ZNRF1: variants seen among roughly 807,000 people sequenced by gnomAD.
The protein encoded by ZNRF1 is zinc and ring finger 1, also known as E3 ubiquitin-protein ligase ZNRF1.
ZNRF1 carries 3 observed loss-of-function variants against 18.4 expected under a neutral mutation model. The ratio of observed to expected loss-of-function variants is 0.16; its 90% CI spans 0.07 to 0.42. The LOEUF (loss-of-function observed/expected upper bound fraction) is 0.42. Ranked by LOEUF, ZNRF1 falls within the 10% of genes least tolerant of loss-of-function variation. The pLI is 0.99. For missense variants in ZNRF1, 310 were observed against 329.8 expected (o/e 0.94, Z 0.47); for synonymous variants, 157 against 144.2 (o/e 1.09, Z -0.64).
chr16:75,008,465 C>T (rs959875946), intron 1 of ZNRF1, among the ~76,000 whole-genome samples: 1 of 152,124 alleles, frequency 6.6e-6, no homozygotes, highest in African/African-American at 2.4e-5. Flanking sequence ...CTGAGTTACC[C>T]TCTTTCCTAC....
In ZNRF1 at chr16:75,031,435, A is replaced by G. The variant is rs185013167; in HGVS notation, c.424+31340A>G. 3.9e-4 allele frequency among the ~76,000 whole-genome samples: 60 copies of G among 151,982 alleles called. No homozygotes were observed. The East Asian group carries it at 8.3e-3, about 21-fold the overall frequency. ...GAGCCACCGTGCCCGGCCATGTCCA[A>G]ATTTTTGTGTAGACATTTTCTTGTT... On this transcript the variant is annotated intron_variant, in intron 1 of 4. Coordinates refer to ENST00000335325, the MANE Select transcript of ZNRF1 (RefSeq NM_032268.5).
intron 1 of ZNRF1, among the ~76,000 whole-genome samples, chr16:75,055,209 T>C (rs2035653075): frequency 6.6e-6 from 1 of 152,236 alleles, no homozygotes; most frequent in African/African-American, 2.4e-5. Context: ...TTTTAATGCT[T>C]TCTAAAGGAA....
rs1162587253 is a variant in ZNRF1, at chr16:75,059,716, C to T, written c.425-33856C>T. On this transcript the variant is annotated intron_variant, in intron 1 of 4. Coordinates refer to ENST00000335325, the MANE Select transcript of ZNRF1 (RefSeq NM_032268.5). ...AGAGAAGTGTTTGGAGCCAAAAGTT[C>T]GAAGTTTTTACTCTACCTGTAATGT... is the stretch of plus-strand genomic sequence containing the variant. Among the ~76,000 whole-genome samples the T allele has an allele frequency of 5.3e-5, 8 of 152,028 alleles. No individual in the cohort carries two copies. The South Asian group carries it at 1.0e-3, about 20-fold the overall frequency.
In ZNRF1 at chr16:75,107,798, A is replaced by G. The variant is rs1224676185; in HGVS notation, c.*98A>G. Reference sequence around the variant, plus strand: ...CCTGGGGCAGAGCTGAGCTTGGGACACCAGCGGGAACAGGGCACCCCTTCT... The same window carrying G: ...CCTGGGGCAGAGCTGAGCTTGGGACGCCAGCGGGAACAGGGCACCCCTTCT... On this transcript the variant is annotated 3_prime_UTR_variant, in exon 5 of 5. Transcript: ENST00000335325. The G allele has an allele frequency of 4.4e-6, 2 of 456,494 alleles. No individual in the cohort carries two copies. The highest frequency in any genetic ancestry group is 1.4e-4 in the East Asian group (2 of 14,386). The allele number at this position is 456,494 out of a possible 1,614,324, so 28.3% of individuals were successfully genotyped here.
chr16:75,094,260 G>C (rs2036173972), intron 2 of ZNRF1, among the ~76,000 whole-genome samples: 1 of 152,206 alleles, frequency 6.6e-6, no homozygotes, highest in African/African-American at 2.4e-5. Context: ...ACACCTTGCT[G>C]CTCCACCCTG....
At chr16:75,047,813 C>T (rs915016935) in intron 1 of ZNRF1, among the ~76,000 whole-genome samples, 28 of 152,138 alleles carry the variant, frequency 1.8e-4, no homozygotes, top group East Asian at 3.8e-4. Flanking sequence ...TCTCACAGTT[C>T]TAGAGGCATG....
intron 1 of ZNRF1, among the ~76,000 whole-genome samples, chr16:75,058,570 A>G (rs2035698115): frequency 6.6e-6 from 1 of 152,222 alleles, no homozygotes. Context: ...AATGACTGCC[A>G]TAGTGGGGAT....
chr16:75,047,711 C>T (rs959845611), intron 1 of ZNRF1, among the ~76,000 whole-genome samples: 9 of 152,150 alleles, frequency 5.9e-5, no homozygotes, highest in African/African-American at 1.9e-4. Context: ...GCTGTTTCCT[C>T]CTTTTAAGCC....
chr16:75,026,519 T>C (rs1353772421), intron 1 of ZNRF1, among the ~76,000 whole-genome samples: 2 of 152,228 alleles, frequency 1.3e-5, no homozygotes, highest in African/African-American at 2.4e-5. Flanking sequence ...ATTTGAGCCT[T>C]AGCCAGGCTT....
intron 1 of ZNRF1, among the ~76,000 whole-genome samples, chr16:75,089,974 G>C (rs1387763374): frequency 6.6e-6 from 1 of 152,180 alleles, no homozygotes; most frequent in Non-Finnish European, 1.5e-5. Context: ...CTTAGTCACA[G>C]GTCACTTTAA....
At chr16:75,059,229 C>CTTTTTTTTTTTTTTCTTTTTTTTTTT (rs2035709085) in intron 1 of ZNRF1, among the ~76,000 whole-genome samples, 5 of 92,880 alleles carry the variant, frequency 5.4e-5, no homozygotes, top group African/African-American at 7.5e-5. Context: ...TTCTTTCTTT[C>CTTTTTTTTTTTTTTCTTTTTTTTTTT]TTTTTTTTTT....
chr16:75,065,748 T>C (rs958016757), intron 1 of ZNRF1, among the ~76,000 whole-genome samples: 2 of 152,056 alleles, frequency 1.3e-5, no homozygotes, highest in African/African-American at 4.8e-5. Context: ...TATAACTTGC[T>C]TTTTTTTCCC....
At chr16:75,071,251 C>A (rs2035866665) in intron 1 of ZNRF1, among the ~76,000 whole-genome samples, 1 of 152,172 alleles carries the variant, frequency 6.6e-6, no homozygotes, top group Non-Finnish European at 1.5e-5. Context: ...AGCCACCCAC[C>A]ACCACACCTG....
At chr16:75,106,144 C>T (rs2036313527) in intron 3 of ZNRF1, 2 of 269,912 alleles carry the variant, frequency 7.4e-6, no homozygotes, top group South Asian at 5.0e-5. Context: ...CCTGAGGGGT[C>T]CACCGCTCTC....
At position 75,042,772 on chromosome 16, in the gene ZNRF1, A is replaced by G. The variant is rs527805620; in HGVS notation, c.424+42677A>G. On this transcript the variant is annotated intron_variant, in intron 1 of 4. Transcript: ENST00000335325. ...GGATCAGCCTGTTGATTTCTGCAGA[A>G]TGGTTTTTGAATCCTGATATTTTTT... is the stretch of plus-strand genomic sequence containing the variant. 9.9e-5 allele frequency among the ~76,000 whole-genome samples: 15 copies of G among 152,102 alleles called. No individual in the cohort carries two copies. The East Asian group carries it at 2.9e-3, about 29-fold the overall frequency.
At position 75,098,887 on chromosome 16, in the gene ZNRF1, G is replaced by C. The variant is rs527975860; in HGVS notation, c.520+5220G>C. ...GCCTCCCCACCCCTCCATACTTCTA[G>C]CAGTTCCAGGGTCTCTTGAGGATGT... is the stretch of plus-strand genomic sequence containing the variant. On this transcript the variant is annotated intron_variant, in intron 2 of 4. Transcript: ENST00000335325. Among the ~76,000 whole-genome samples, 5 of 152,178 alleles carry C rather than the reference G, an allele frequency of 3.3e-5. No individual in the cohort carries two copies. In the East Asian group the frequency reaches 9.7e-4, roughly 29 times the overall value.
rs536113032 is a variant in ZNRF1, at chr16:75,081,198, C to T, written c.425-12374C>T. Among the ~76,000 whole-genome samples, 233 of 152,144 alleles carry T rather than the reference C, an allele frequency of 1.5e-3. 3 individuals carry two copies. The highest frequency in any genetic ancestry group is 6.2e-4 in the Non-Finnish European group (42 of 67,976). On this transcript the variant is annotated intron_variant, in intron 1 of 4. Transcript: ENST00000335325. ...AAATAAATAAATAAAAATAAGGACT[C>T]CAGGACTTGGAAAACAGTCTATATC...
chr16:75,054,564 C>T (rs74340633), intron 1 of ZNRF1, among the ~76,000 whole-genome samples: 3,571 of 152,332 alleles, frequency 0.023, 161 homozygotes, highest in African/African-American at 0.082. Context: ...CTTCTCAGTC[C>T]TCATGCTGGT....
intron 1 of ZNRF1, among the ~76,000 whole-genome samples, chr16:75,092,502 A>G (rs1053940978): frequency 1.3e-5 from 2 of 152,252 alleles, no homozygotes; most frequent in African/African-American, 4.8e-5. Context: ...GATCTTTTTG[A>G]TAGAATGTAT....
Sources: gnomAD v4.1 joint callset for allele counts (sites outside exome capture counted in the v4.1 genomes callset) on GRCh38, gnomAD v4.1.1 for gene constraint, MANE v1.5 for transcripts, NCBI Gene and HGNC (gene_info 2026-07-23, HGNC 2026-07-21) for gene names.